The following CCDC30 variants were observed in gnomAD, a reference collection of about 807,000 sequenced individuals.
CCDC30 encodes coiled-coil domain-containing protein 30.
In CCDC30, 70 loss-of-function variants were observed where a neutral mutation model predicts 100.2. The ratio of observed to expected loss-of-function variants is 0.70; its 90% CI spans 0.58 to 0.85. The LOEUF (loss-of-function observed/expected upper bound fraction) is 0.85. CCDC30 is among the 40% of genes least tolerant of loss of function. CCDC30 has a pLI of 0.00. For missense variants in CCDC30, 652 were observed against 771.2 expected (o/e 0.85, Z 1.83); for synonymous variants, 233 against 269.5 (o/e 0.86, Z 1.33).
At chr1:42,634,022 T>A (rs576076082) in intron 11 of CCDC30, among the ~76,000 whole-genome samples, 1 of 152,132 alleles carries the variant, frequency 6.6e-6, no homozygotes, top group South Asian at 2.1e-4. Flanking sequence ...TCACTGTCAA[T>A]AGAACAGTAT....
At chr1:42,611,890 A>T (rs1037894367) in intron 11 of CCDC30, among the ~76,000 whole-genome samples, 8 of 152,102 alleles carry the variant, frequency 5.3e-5, no homozygotes, top group African/African-American at 1.7e-4. Flanking sequence ...TGTTGCCTCA[A>T]GTGATCCTCC....
intron 5 of CCDC30, 64 bp downstream of exon 5, chr1:42,497,277 GCAACA>G (rs1644245369): frequency 2.1e-6 from 2 of 946,576 alleles, no homozygotes; most frequent in African/African-American, 3.4e-5. Context: ...AACAGCATAA[GCAACA>G]CAGGTATACA....
chr1:42,593,109 G>A (rs528993741), intron 10 of CCDC30: 3 of 152,270 alleles, frequency 2.0e-5, no homozygotes, highest in African/African-American at 7.2e-5. Context: ...CCTGAAGATA[G>A]CATCAGATCC....
chr1:42,555,597 T>A (rs1645352467), intron 6 of CCDC30, among the ~76,000 whole-genome samples: 2 of 152,212 alleles, frequency 1.3e-5, no homozygotes, highest in Non-Finnish European at 2.9e-5. Flanking sequence ...ATAAAACTCA[T>A]TTAAACTGGC....
chr1:42,538,147 C>CAA (rs1644941431), intron 6 of CCDC30, among the ~76,000 whole-genome samples: 1 of 49,400 alleles, frequency 2.0e-5, no homozygotes, highest in Non-Finnish European at 3.8e-5. Flanking sequence ...ACACTGTCTC[C>CAA]ACAAAAAAAA....
chr1:42,459,232 A>AG (rs1233701608), upstream of CCDC30: 1 of 179,874 alleles, frequency 5.6e-6, no homozygotes, highest in East Asian at 1.4e-4. Context: ...GCATGAACAC[A>AG]GCTCACTGCA....
exon 15 of CCDC30, chr1:42,646,212 A>G (rs1438994880): frequency 1.9e-6 from 3 of 1,576,036 alleles, no homozygotes; most frequent in Non-Finnish European, 2.6e-6. Flanking sequence ...AGAAACAGAA[A>G]GAAATATACA....
chr1:42,497,227 A>G lies in CCDC30; in HGVS notation c.357+14A>G. 2.5e-6 allele frequency: 3 copies of G among 1,188,014 alleles called. No individual in the cohort carries two copies. The highest frequency in any genetic ancestry group is 3.2e-6 in the Non-Finnish European group (3 of 945,870). 73.6% of individuals were successfully genotyped at this position (1,188,014 alleles called of 1,614,324 possible). Reference sequence around the variant, plus strand: ...CTTGGTGAAATGGTAAGTTTAATTTACTTCTTAGAACGTATTTAAATGTGT... The same window carrying G: ...CTTGGTGAAATGGTAAGTTTAATTTGCTTCTTAGAACGTATTTAAATGTGT... On this transcript the variant is annotated intron_variant, in intron 5 of 16. Coordinates refer to ENST00000668663, the Ensembl canonical transcript of CCDC30.
At chr1:42,609,343 A>G (rs1005644236) in intron 10 of CCDC30, among the ~76,000 whole-genome samples, 1 of 152,206 alleles carries the variant, frequency 6.6e-6, no homozygotes, top group African/African-American at 2.4e-5. Flanking sequence ...ACAATACATG[A>G]TACACATACA....
chr1:42,459,753 G>A, upstream of CCDC30: 1 of 1,614,200 alleles, frequency 6.2e-7, no homozygotes, highest in South Asian at 1.1e-5. Context: ...GCATCAAGTG[G>A]TGGTGGCTAA....
chr1:42,510,430 G>A (rs1001904546), intron 6 of CCDC30, among the ~76,000 whole-genome samples: 3 of 152,088 alleles, frequency 2.0e-5, no homozygotes, highest in Admixed American at 1.3e-4. Context: ...GGGCCAAGGT[G>A]GGCAGATCAC....
intron 10 of CCDC30, chr1:42,592,805 T>C (rs967800788): frequency 3.9e-5 from 6 of 152,210 alleles, no homozygotes; most frequent in Non-Finnish European, 8.8e-5. Context: ...CCATATGACA[T>C]GTCTGCTCCC....
At chr1:42,472,693 A>C (rs991993257) in intron 1 of CCDC30, among the ~76,000 whole-genome samples, 1 of 151,788 alleles carries the variant, frequency 6.6e-6, no homozygotes, top group Non-Finnish European at 1.5e-5. Context: ...ATATCATGTC[A>C]TTTGTTATTT....
At chr1:42,639,688 A>T (rs1298858128) in intron 12 of CCDC30, among the ~76,000 whole-genome samples, 1 of 152,222 alleles carries the variant, frequency 6.6e-6, no homozygotes, top group Non-Finnish European at 1.5e-5. Context: ...AAAATGAGGG[A>T]AATAATCCCT....
At chr1:42,585,144 C>T (rs1646043383) in intron 9 of CCDC30, among the ~76,000 whole-genome samples, 1 of 152,170 alleles carries the variant, frequency 6.6e-6, no homozygotes, top group African/African-American at 2.4e-5. Flanking sequence ...AAGAATCAGT[C>T]CATATAATGT....
At chr1:42,494,832 CAATCATT>C (rs1644205085) in intron 4 of CCDC30, among the ~76,000 whole-genome samples, 1 of 101,834 alleles carries the variant, frequency 9.8e-6, no homozygotes, top group Non-Finnish European at 2.0e-5. Context: ...GTTAGAATGG[CAATCATT>C]AAAAAGTCAG....
chr1:42,541,000 C>A (rs946474182), intron 6 of CCDC30, among the ~76,000 whole-genome samples: 1 of 152,178 alleles, frequency 6.6e-6, no homozygotes, highest in Admixed American at 6.5e-5. Flanking sequence ...CTCAGTCTGT[C>A]TTTGTCTTTT....
chr1:42,581,283 T>G (rs1204941182), intron 8 of CCDC30, 77 bp from the exon 13 acceptor site: 2 of 1,098,592 alleles, frequency 1.8e-6, no homozygotes, highest in Middle Eastern at 2.9e-4. Flanking sequence ...TGTTTGCTAT[T>G]TATATGTTAT....
At chr1:42,527,532 G>A (rs1644739720) in intron 6 of CCDC30, among the ~76,000 whole-genome samples, 1 of 152,150 alleles carries the variant, frequency 6.6e-6, no homozygotes, top group African/African-American at 2.4e-5. Context: ...GAATTAATGA[G>A]TAAACATACA....
Sources: gnomAD v4.1 joint callset for allele counts (sites outside exome capture counted in the v4.1 genomes callset) on GRCh38, gnomAD v4.1.1 for gene constraint, MANE v1.5 for transcripts, NCBI Gene and HGNC (gene_info 2026-07-23, HGNC 2026-07-21) for gene names.